NELL2: variants seen among roughly 807,000 people sequenced by gnomAD.
NELL2 encodes the protein neural EGFL like 2.
A neutral mutation model predicts 109.6 loss-of-function variants in NELL2; 41 were observed. That is an observed-to-expected ratio of 0.37 (90% CI 0.29 to 0.49). The LOEUF is 0.49. NELL2 is among the 20% of genes least tolerant of loss of function. The pLI, the probability that NELL2 is intolerant of heterozygous loss-of-function variation, is 0.98. For missense variants in NELL2, 900 were observed against 1,008.3 expected (o/e 0.89, Z 1.45); for synonymous variants, 355 against 344.7 (o/e 1.03, Z -0.33).
chr12:44,902,370 A>G (rs931211241), intron 1 of NELL2, among the ~76,000 whole-genome samples: 2 of 152,154 alleles, frequency 1.3e-5, no homozygotes, highest in African/African-American at 4.8e-5. Flanking sequence ...CTTCAAGGAG[A>G]ACTAAAAACC....
chr12:44,722,019 G>T (rs1938800977), intron 9 of NELL2, among the ~76,000 whole-genome samples: 1 of 151,998 alleles, frequency 6.6e-6, no homozygotes, highest in African/African-American at 2.4e-5. Flanking sequence ...GAGGAGGGAA[G>T]AGAGAGCAGA....
chr12:44,918,513 A>G (rs1247069790), upstream of NELL2, among the ~76,000 whole-genome samples: 15 of 121,310 alleles, frequency 1.2e-4, no homozygotes, highest in East Asian at 5.2e-4. Flanking sequence ...TCATGCATGC[A>G]TGTATGTGTG....
intron 15 of NELL2, among the ~76,000 whole-genome samples, chr12:44,600,752 T>C (rs1333638658): frequency 1.3e-5 from 2 of 152,246 alleles, no homozygotes; most frequent in Non-Finnish European, 2.9e-5. Flanking sequence ...CAAGGACTTA[T>C]CTATGGTATG....
chr12:44,658,877 CAAAA>C (rs58696965), intron 13 of NELL2, among the ~76,000 whole-genome samples: 5 of 69,924 alleles, frequency 7.2e-5, no homozygotes, highest in Admixed American at 1.7e-4. Flanking sequence ...ACTCTGTCTC[CAAAA>C]AAAAAAAAAA....
In NELL2 at chr12:44,514,414, G is replaced by A. The variant is rs546121448; in HGVS notation, c.2401-5430C>T. On this transcript the variant is annotated intron_variant, in intron 19 of 19. Transcript: ENST00000429094. ...TTTCAGTTACCTGTGGTCAACCATG[G>A]CCCAAACAAGTGAGTAAAATGTATG... 1.2e-4 allele frequency among the ~76,000 whole-genome samples: 18 copies of A among 151,838 alleles called. No homozygotes were observed. In the South Asian group the frequency reaches 3.7e-3, roughly 32 times the overall value.
intron 15 of NELL2, among the ~76,000 whole-genome samples, chr12:44,590,178 A>G (rs1005153262): frequency 7.2e-5 from 11 of 152,076 alleles, no homozygotes; most frequent in Non-Finnish European, 1.5e-5. Context: ...TTAATTTTAT[A>G]TCATATTATT....
chr12:44,785,250 G>C (rs1942119302), intron 3 of NELL2, among the ~76,000 whole-genome samples: 1 of 152,130 alleles, frequency 6.6e-6, no homozygotes, highest in South Asian at 2.1e-4. Context: ...GAGAAACACA[G>C]AGCCAAATCA....
intron 9 of NELL2, among the ~76,000 whole-genome samples, chr12:44,768,114 GA>G (rs1941406653): frequency 6.6e-6 from 1 of 152,220 alleles, no homozygotes; most frequent in African/African-American, 2.4e-5. Flanking sequence ...GCTATGAGCT[GA>G]CTAATTAACA....
chr12:44,630,615 C>T (rs1160854337), intron 13 of NELL2, among the ~76,000 whole-genome samples: 1 of 152,150 alleles, frequency 6.6e-6, no homozygotes, highest in East Asian at 1.9e-4. Context: ...TTACAGGTTT[C>T]ACCCTGGGAA....
intron 9 of NELL2, among the ~76,000 whole-genome samples, chr12:44,722,328 A>G (rs998911520): frequency 6.6e-6 from 1 of 152,146 alleles, no homozygotes; most frequent in East Asian, 1.9e-4. Context: ...AAAATGCCCC[A>G]CTAATTTTTT....
intron 13 of NELL2, among the ~76,000 whole-genome samples, chr12:44,634,502 C>T (rs1946566520): frequency 6.6e-6 from 1 of 151,934 alleles, no homozygotes; most frequent in South Asian, 2.1e-4. Context: ...GGCAGGAACT[C>T]ATCCCTTTTT....
chr12:44,629,602 A>C (rs1410218512), intron 13 of NELL2, among the ~76,000 whole-genome samples: 1 of 152,222 alleles, frequency 6.6e-6, no homozygotes, highest in Non-Finnish European at 1.5e-5. Context: ...GATCGGGCAC[A>C]TACAATGAAA....
At chr12:44,873,786 T>C (rs1432517127) in intron 2 of NELL2, among the ~76,000 whole-genome samples, 3 of 152,080 alleles carry the variant, frequency 2.0e-5, no homozygotes, top group Non-Finnish European at 4.4e-5. Flanking sequence ...GACACTTCTA[T>C]TCAACTGTGT....
chr12:44,508,887 A>C lies in NELL2; in HGVS notation c.*47T>G, dbSNP rs187562309. The C allele has an allele frequency of 5.4e-5, 83 of 1,537,334 alleles. No individual in the cohort carries two copies. The highest frequency in any genetic ancestry group is 6.1e-5 in the Non-Finnish European group (68 of 1,122,662). On this transcript the variant is annotated 3_prime_UTR_variant, in exon 20 of 20. Transcript: ENST00000429094. ...GTTTTAACTTCTTTTTGGTCTTTTA[A>C]TGAAAGAACATTCTTTTAACAGAAA... is the stretch of plus-strand genomic sequence containing the variant.
chr12:44,811,187 G>C (rs1015667633), intron 3 of NELL2, among the ~76,000 whole-genome samples: 2 of 151,972 alleles, frequency 1.3e-5, no homozygotes, highest in Admixed American at 6.6e-5. Flanking sequence ...GGGTCAGGGG[G>C]AAGGGGAGGG....
intron 2 of NELL2, among the ~76,000 whole-genome samples, chr12:44,834,755 C>T (rs1175181988): frequency 6.6e-6 from 1 of 152,146 alleles, no homozygotes; most frequent in Non-Finnish European, 1.5e-5. Flanking sequence ...CAGCAGATCC[C>T]GGGGTCTTCT....
intron 3 of NELL2, among the ~76,000 whole-genome samples, chr12:44,814,012 T>C (rs116152628): frequency 0.017 from 2,596 of 152,296 alleles, 71 homozygotes; most frequent in African/African-American, 0.057. Context: ...AGTTTGCAGA[T>C]TGCAAGAAGT....
intron 12 of NELL2, among the ~76,000 whole-genome samples, chr12:44,695,059 GAAGA>G (rs1949018859): frequency 6.7e-6 from 1 of 148,366 alleles, no homozygotes; most frequent in African/African-American, 2.5e-5. Context: ...AGGAAGGAAG[GAAGA>G]GAGGGAGGAA....
intron 12 of NELL2, 68 bp downstream of exon 12, chr12:44,703,658 A>T: frequency 6.4e-7 from 1 of 1,562,844 alleles, no homozygotes; most frequent in African/African-American, 1.4e-5. Flanking sequence ...CTGGGAACTT[A>T]ATAAATTTTG....
Sources: allele counts gnomAD v4.1 joint callset (sites outside exome capture counted in the v4.1 genomes callset), GRCh38; gene constraint gnomAD v4.1.1; transcripts MANE v1.5; gene names NCBI Gene and HGNC (gene_info 2026-07-23, HGNC 2026-07-21).